BMPR1B: variants seen among roughly 807,000 people sequenced by gnomAD.
BMPR1B encodes the protein bone morphogenetic protein receptor type-1B.
Under a neutral mutation model 59.1 loss-of-function variants are expected in BMPR1B, and 12 were observed. The observed-to-expected ratio is 0.20, with a 90% CI of 0.13 to 0.33. The LOEUF is 0.33. BMPR1B is among the 10% of genes least tolerant of loss of function. The pLI, the probability that BMPR1B is intolerant of heterozygous loss-of-function variation, is 1.00. For synonymous variants in BMPR1B, 237 were observed against 207.3 expected, an observed-to-expected ratio of 1.14 and a Z score of -1.23; for missense variants, 550 against 610.9, an observed-to-expected ratio of 0.90 and a Z score of 1.05.
chr4:94,973,983 G>A (rs1177776133), intron 2 of BMPR1B, among the ~76,000 whole-genome samples: 3 of 152,304 alleles, frequency 2.0e-5, no homozygotes, highest in Admixed American at 2.0e-4. Context: ...CATATATCCA[G>A]ATTGCTTTCC....
chr4:94,933,430 A>T (rs1729169550), intron 2 of BMPR1B, among the ~76,000 whole-genome samples: 1 of 152,114 alleles, frequency 6.6e-6, no homozygotes, highest in African/African-American at 2.4e-5. Context: ...GAAAAATTCT[A>T]AGAAATGTAG....
chr4:94,901,015 C>T (rs1451932860), intron 2 of BMPR1B, among the ~76,000 whole-genome samples: 1 of 151,936 alleles, frequency 6.6e-6, no homozygotes, highest in Non-Finnish European at 1.5e-5. Flanking sequence ...CTGATGGTTC[C>T]AACCCTGGAA....
At position 94,771,145 on chromosome 4, in the gene BMPR1B, A is replaced by G. The variant is rs1264994212; in HGVS notation, c.-183+13077A>G. On this transcript the variant is annotated intron_variant, in intron 1 of 12. Transcript: ENST00000515059. ...AGAAAAAGCAGATATACACACACAT[A>G]CAAACCCCGAGAGGCTACGGTGGTT... Among the ~76,000 whole-genome samples the G allele has an allele frequency of 2.6e-5, 4 of 152,286 alleles. No homozygotes were observed. In the East Asian group the frequency reaches 7.7e-4, roughly 29 times the overall value.
chr4:94,767,426 GCTTTA>G (rs1339952082), intron 1 of BMPR1B, among the ~76,000 whole-genome samples: 1 of 152,120 alleles, frequency 6.6e-6, no homozygotes, highest in Non-Finnish European at 1.5e-5. Context: ...TTTGTTAGGA[GCTTTA>G]CTTTGTGTAC....
At chr4:94,873,654 C>T (rs902159320) in intron 1 of BMPR1B, among the ~76,000 whole-genome samples, 1 of 152,116 alleles carries the variant, frequency 6.6e-6, no homozygotes, top group Non-Finnish European at 1.5e-5. Context: ...GTGATCTGCC[C>T]ACCTCGCCCT....
intron 2 of BMPR1B, among the ~76,000 whole-genome samples, chr4:94,902,481 A>T (rs561868401): frequency 6.6e-6 from 1 of 152,064 alleles, no homozygotes; most frequent in Admixed American, 6.6e-5. Context: ...GAGAAGGATG[A>T]TGGCAGCACT....
intron 1 of BMPR1B, among the ~76,000 whole-genome samples, chr4:94,789,070 C>T (rs543313581): frequency 6.6e-5 from 10 of 152,284 alleles, no homozygotes; most frequent in African/African-American, 2.2e-4. Flanking sequence ...TTGGCTGTGT[C>T]TTAGAAGCTT....
intron 2 of BMPR1B, among the ~76,000 whole-genome samples, chr4:94,890,930 G>T (rs1022293236): frequency 9.2e-5 from 14 of 152,168 alleles, no homozygotes; most frequent in Admixed American, 8.5e-4. Flanking sequence ...AGCAGAAGTG[G>T]TTAAAGGAAA....
chr4:94,918,145 C>T (rs1238116873), intron 2 of BMPR1B, among the ~76,000 whole-genome samples: 1 of 151,962 alleles, frequency 6.6e-6, no homozygotes, highest in East Asian at 1.9e-4. Flanking sequence ...TTAGTATTAT[C>T]TAGTCTCTAG....
In BMPR1B at chr4:94,771,435, C is replaced by T. The variant is rs566068900; in HGVS notation, c.-183+13367C>T. Among the ~76,000 whole-genome samples, 6 of 152,112 alleles carry T rather than the reference C, an allele frequency of 3.9e-5. No homozygotes were observed. The South Asian group carries it at 1.2e-3, about 32-fold the overall frequency. On this transcript the variant is annotated intron_variant, in intron 1 of 12. Coordinates refer to ENST00000515059, the MANE Select transcript of BMPR1B (RefSeq NM_001203.3). ...TCATGAGCTTGAAAGACCCCTGAGG[C>T]AAGGAGACATGTGTGACAACTGTAT... is the stretch of plus-strand genomic sequence containing the variant.
At chr4:94,940,235 C>CA (rs1264933259) in intron 2 of BMPR1B, among the ~76,000 whole-genome samples, 1 of 152,196 alleles carries the variant, frequency 6.6e-6, no homozygotes, top group African/African-American at 2.4e-5. Flanking sequence ...CCACAGGCAG[C>CA]ATGCAGCCCA....
At chr4:95,045,241 C>G (rs1217235086) in intron 3 of BMPR1B, among the ~76,000 whole-genome samples, 1 of 152,064 alleles carries the variant, frequency 6.6e-6, no homozygotes, top group Non-Finnish European at 1.5e-5. Flanking sequence ...TTCTTAGATA[C>G]AAAGGAAAAT....
chr4:94,934,554 T>C (rs768620487), intron 2 of BMPR1B, among the ~76,000 whole-genome samples: 7 of 149,950 alleles, frequency 4.7e-5, no homozygotes, highest in Non-Finnish European at 7.4e-5. Context: ...GGTGCTAACC[T>C]AAACATCAGT....
chr4:94,962,068 T>TCCTTCCTTCCTTCCTTCC, intron 2 of BMPR1B, among the ~76,000 whole-genome samples: 2 of 126,958 alleles, frequency 1.6e-5, no homozygotes, highest in East Asian at 4.4e-4. Flanking sequence ...TTTTCTTTCT[T>TCCTTCCTTCCTTCCTTCC]TTCTTTCCTT....
At chr4:95,090,620 C>T (rs1189855153) in intron 3 of BMPR1B, among the ~76,000 whole-genome samples, 2 of 152,012 alleles carry the variant, frequency 1.3e-5, no homozygotes, top group Non-Finnish European at 2.9e-5. Context: ...GGTTCATGAA[C>T]ATAGTGGCCA....
At position 95,129,992 on chromosome 4, in the gene BMPR1B, C is replaced by A; in HGVS notation, c.716C>A (p.Ala239Asp). ...AVKVFFTTEE[A>D]SWFRETEIYQ... The stretch of plus-strand genomic sequence containing the variant: ...AAAGTGTTCTTCACCACAGAGGAAG[C>A]CAGCTGGTTCAGAGAGACAGAAATA... Residue 239 changes from alanine (A) to aspartate (D), a missense_variant, in exon 9 of 13, where the codon GCC becomes GAC. Physicochemically the swap from Ala to Asp is moderately radical, Grantham distance 126. Transcript: ENST00000515059. The A allele has an allele frequency of 1.2e-6, 2 of 1,613,940 alleles. No individual in the cohort carries two copies. Among genetic ancestry groups the A allele is most frequent in the Non-Finnish European group, 1.7e-6 (2 of 1,179,922 alleles).
chr4:94,770,747 A>C (rs923378027), intron 1 of BMPR1B, among the ~76,000 whole-genome samples: 1 of 152,042 alleles, frequency 6.6e-6, no homozygotes, highest in Non-Finnish European at 1.5e-5. Context: ...ATCGAATCCT[A>C]TGATGACTCA....
Position 94,866,803 on chromosome 4 carries a change from C to T in BMPR1B, c.-182-9028C>T, listed in dbSNP as rs1036789369. Among the ~76,000 whole-genome samples, 13 of 152,046 alleles carry T rather than the reference C, an allele frequency of 8.6e-5. No individual in the cohort carries two copies. In the South Asian group the frequency reaches 1.0e-3, roughly 12 times the overall value. ...TTCACCATGTTGGCCAGGATGGTCT[C>T]GATCTCCTCACCTCATGATCCGCCC... On this transcript the variant is annotated intron_variant, in intron 1 of 12. Transcript: ENST00000515059.
At chr4:94,996,924 T>C (rs1722101192) in intron 3 of BMPR1B, among the ~76,000 whole-genome samples, 1 of 152,242 alleles carries the variant, frequency 6.6e-6, no homozygotes, top group South Asian at 2.1e-4. Flanking sequence ...ATCTTCATTA[T>C]GGTTTTTCAT....
Sources: gnomAD v4.1 joint callset for allele counts (sites outside exome capture counted in the v4.1 genomes callset) on GRCh38, gnomAD v4.1.1 for gene constraint, MANE v1.5 for transcripts, NCBI Gene and HGNC (gene_info 2026-07-23, HGNC 2026-07-21) for gene names.